The following KRABD3 variants were observed in gnomAD, a reference collection of about 807,000 sequenced individuals.
KRABD3 encodes the protein KRAB domain containing 3, also known as KRAB domain-containing protein 3.
At chr7:149,733,439 G>A in the KRABD3 span, 4 of 1,590,698 alleles carry the variant, frequency 2.5e-6, no homozygotes, top group Non-Finnish European at 3.4e-6. Flanking sequence ...TCAGGAAGTG[G>A]CCACCATGAG....
chr7:149,729,503 G>T, the KRABD3 span: 1 of 1,259,442 alleles, frequency 7.9e-7, no homozygotes. Context: ...AGAAGCTGGT[G>T]CCAAACAGAA....
chr7:149,733,260 C>T, the KRABD3 span: 2 of 1,612,150 alleles, frequency 1.2e-6, no homozygotes, highest in South Asian at 1.1e-5. Context: ...CCCAGTGAGT[C>T]TCCCCCTCCG....
the KRABD3 span, among the ~76,000 whole-genome samples, chr7:149,719,850 A>G: frequency 2.6e-5 from 4 of 152,026 alleles, no homozygotes; most frequent in Non-Finnish European, 5.9e-5. The surrounding 1 kb of genome is among the most constrained non-coding windows in gnomAD (Gnocchi z 5.6). Context: ...CGGTGGGGGT[A>G]TGCGGCGGCC....
the KRABD3 span, chr7:149,722,788 T>A: frequency 6.3e-7 from 1 of 1,599,634 alleles, no homozygotes; most frequent in African/African-American, 1.3e-5. Flanking sequence ...CACAGGAATT[T>A]CTCCTGGGAA....
chr7:149,730,315 C>T, the KRABD3 span: 1 of 1,547,750 alleles, frequency 6.5e-7, no homozygotes, highest in Non-Finnish European at 8.7e-7. Context: ...AGGCCAGAGC[C>T]TGATCTCTGG....
At chr7:149,724,999 C>T in the KRABD3 span, 11 of 726,856 alleles carry the variant, frequency 1.5e-5, no homozygotes, top group Non-Finnish European at 2.4e-5. Context: ...TCCACAGCCT[C>T]CTCAGCCCAG....
chr7:149,730,369 C>T, the KRABD3 span: 77 of 1,548,440 alleles, frequency 5.0e-5, no homozygotes, highest in South Asian at 3.3e-4. Context: ...GGGAGGATAG[C>T]GGGATGTGTG....
At chr7:149,717,858 A>T in the KRABD3 span, among the ~76,000 whole-genome samples, 1 of 152,174 alleles carries the variant, frequency 6.6e-6, no homozygotes, top group Non-Finnish European at 1.5e-5. Context: ...CAGGGGCTGG[A>T]GTACAATGTT....
the KRABD3 span, chr7:149,723,055 A>T: frequency 9.4e-7 from 1 of 1,058,598 alleles, no homozygotes; most frequent in Non-Finnish European, 1.3e-6. Context: ...GATCGTTACC[A>T]GCTTGGTCGC....
the KRABD3 span, chr7:149,729,942 C>G: frequency 7.8e-7 from 1 of 1,277,188 alleles, no homozygotes; most frequent in Non-Finnish European, 9.9e-7. Context: ...GCAGACTTTC[C>G]AAAGCTGCTG....
the KRABD3 span, chr7:149,725,311 C>G: frequency 3.2e-6 from 5 of 1,575,742 alleles, no homozygotes; most frequent in Non-Finnish European, 4.3e-6. Context: ...CTCTCCTGTT[C>G]CAGCTGCCAG....
At chr7:149,725,776 C>G in the KRABD3 span, 1 of 1,063,986 alleles carries the variant, frequency 9.4e-7, no homozygotes, top group Non-Finnish European at 1.3e-6. Flanking sequence ...CAGGGAAACC[C>G]TAGTGGGAGA....
chr7:149,720,481 C>T, the KRABD3 span, among the ~76,000 whole-genome samples: 1 of 152,272 alleles, frequency 6.6e-6, no homozygotes, highest in Non-Finnish European at 1.5e-5. Flanking sequence ...CCGGCCCAGA[C>T]TGGGCAAGGC....
At chr7:149,718,310 A>G in the KRABD3 span, among the ~76,000 whole-genome samples, 1 of 152,140 alleles carries the variant, frequency 6.6e-6, no homozygotes, top group Non-Finnish European at 1.5e-5. Flanking sequence ...TTGCTTTATT[A>G]GGGGCGTGTT....
At chr7:149,720,847 G>A in the KRABD3 span, 6 of 1,592,426 alleles carry the variant, frequency 3.8e-6, no homozygotes, top group African/African-American at 1.3e-5. Context: ...GGACAGCCCC[G>A]GCACAGCCTG....
chr7:149,720,428 A>G, the KRABD3 span, among the ~76,000 whole-genome samples: 1 of 152,218 alleles, frequency 6.6e-6, no homozygotes, highest in South Asian at 2.1e-4. Context: ...AAGTCCTGCC[A>G]CGAGGCTTAC....
chr7:149,726,313 T>G, the KRABD3 span, among the ~76,000 whole-genome samples: 4 of 152,328 alleles, frequency 2.6e-5, no homozygotes, highest in Non-Finnish European at 5.9e-5. Context: ...AAAATCTTTT[T>G]GGGCTGGGCA....
chr7:149,729,483 C>T, the KRABD3 span: 1 of 1,273,946 alleles, frequency 7.8e-7, no homozygotes, highest in Non-Finnish European at 1.0e-6. Flanking sequence ...TCATCCTTTC[C>T]CCAGAGGACA....
At chr7:149,733,278 C>T in the KRABD3 span, 93,713 of 1,612,476 alleles carry the variant, frequency 0.058, 3,092 homozygotes, top group Middle Eastern at 0.14. Flanking sequence ...CCGGAGCTGC[C>T]CCCTCCGGAA....
Sources: allele counts gnomAD v4.1 joint callset (sites outside exome capture counted in the v4.1 genomes callset), GRCh38; gene constraint gnomAD v4.1.1; non-coding constraint Gnocchi (gnomAD v3.1); transcripts MANE v1.5; gene names NCBI Gene and HGNC (gene_info 2026-07-23, HGNC 2026-07-21).